SLC38A1: variants seen among roughly 807,000 people sequenced by gnomAD.
SLC38A1 encodes the protein solute carrier family 38 member 1, also known as sodium-coupled neutral amino acid symporter 1.
Under a neutral mutation model 60.3 loss-of-function variants are expected in SLC38A1, and 18 were observed. That is an observed-to-expected ratio of 0.30 (90% CI 0.21 to 0.44). The LOEUF (loss-of-function observed/expected upper bound fraction) is 0.44. Among genes scored for constraint, SLC38A1 ranks in the 20% least tolerant of loss-of-function variants. The pLI is 1.00. For synonymous variants in SLC38A1, 196 were observed against 212.1 expected, an observed-to-expected ratio of 0.92 and a Z score of 0.66; for missense variants, 448 against 587.2, an observed-to-expected ratio of 0.76 and a Z score of 2.45.
At chr12:46,208,970 C>G in intron 6 of SLC38A1, 84 bp downstream of exon 6, 7 of 944,342 alleles carry the variant, frequency 7.4e-6, no homozygotes, top group Non-Finnish European at 1.0e-5. Context: ...AATTGCTGTA[C>G]AGAGAGAACA....
At chr12:46,252,965 A>G (rs1941903398) in intron 1 of SLC38A1, among the ~76,000 whole-genome samples, 1 of 150,844 alleles carries the variant, frequency 6.6e-6, no homozygotes, top group Non-Finnish European at 1.5e-5. Context: ...AAAATACTGC[A>G]TGATCTCATG....
At chr12:46,189,659 C>T (rs1326501682) in intron 16 of SLC38A1, among the ~76,000 whole-genome samples, 1 of 152,190 alleles carries the variant, frequency 6.6e-6, no homozygotes, top group African/African-American at 2.4e-5. Flanking sequence ...TGAATTTTAG[C>T]TCCCATAATT....
chr12:46,216,234 C>T (rs561852494), intron 5 of SLC38A1, among the ~76,000 whole-genome samples: 1 of 152,244 alleles, frequency 6.6e-6, no homozygotes, highest in South Asian at 2.1e-4. Context: ...AGGGGAAATA[C>T]CTGTATAAAG....
At chr12:46,225,340 C>T (rs1209053190) in intron 5 of SLC38A1, among the ~76,000 whole-genome samples, 1 of 152,122 alleles carries the variant, frequency 6.6e-6, no homozygotes, top group Non-Finnish European at 1.5e-5. Context: ...ACTGGTTGGT[C>T]CTCCCCTATC....
At chr12:46,214,470 A>G (rs1940316194) in intron 5 of SLC38A1, among the ~76,000 whole-genome samples, 2 of 152,220 alleles carry the variant, frequency 1.3e-5, no homozygotes. Flanking sequence ...AGATTATATG[A>G]ATAATGTTAT....
At chr12:46,229,379 A>T in intron 4 of SLC38A1, 111 bp from the exon 5 acceptor site, 1 of 847,118 alleles carries the variant, frequency 1.2e-6, no homozygotes, top group Middle Eastern at 2.3e-4. Context: ...AAATTCAAGA[A>T]AATCCATTCT....
intron 16 of SLC38A1, among the ~76,000 whole-genome samples, chr12:46,194,000 C>T (rs1298028356): frequency 6.6e-6 from 1 of 152,102 alleles, no homozygotes; most frequent in Non-Finnish European, 1.5e-5. Context: ...TTATTTTGCT[C>T]GTTAATTGAT....
At chr12:46,237,075 A>C (rs911808398) in intron 3 of SLC38A1, among the ~76,000 whole-genome samples, 1 of 152,232 alleles carries the variant, frequency 6.6e-6, no homozygotes, top group Non-Finnish European at 1.5e-5. Flanking sequence ...TAAAAGAATA[A>C]AAGGTTCTTA....
chr12:46,198,046 T>G lies in SLC38A1; in HGVS notation c.1137A>C (p.Leu379Phe). The change falls in exon 15 of 17, where the codon TTA becomes TTC. Residue 379 changes from leucine to phenylalanine, a missense_variant. Physicochemically the swap from Leu to Phe is conservative, Grantham distance 22. This residue lies in a region of SLC38A1 where 346 missense variants were observed against 497.5 expected (regional missense o/e 0.70). Transcript: ENST00000398637. ...ACTTTGTTTTCTTAGCCAGTTCAAA[T>G]AAAGATGAACGAACCTGCAAGAAAA... is the stretch of plus-strand genomic sequence containing the variant. Reference protein sequence around the residue: ...PVLFFTVRSSLFELAKKTKFN... With the variant: ...PVLFFTVRSSFFELAKKTKFN... 1 of 1,613,680 alleles carries G rather than the reference T, an allele frequency of 6.2e-7. No individual in the cohort carries two copies. Among genetic ancestry groups the G allele is most frequent in the Non-Finnish European group, 8.5e-7 (1 of 1,179,892 alleles).
intron 1 of SLC38A1, among the ~76,000 whole-genome samples, chr12:46,259,921 C>T (rs375503621): frequency 9.2e-5 from 14 of 152,154 alleles, no homozygotes; most frequent in African/African-American, 2.9e-4. Context: ...CCTGCCACCA[C>T]TCCCCTGAAA....
At chr12:46,212,816 A>T (rs1940234618) in intron 5 of SLC38A1, among the ~76,000 whole-genome samples, 1 of 152,240 alleles carries the variant, frequency 6.6e-6, no homozygotes, top group Non-Finnish European at 1.5e-5. Flanking sequence ...TTAAAAGGGG[A>T]CATATTATGC....
Position 46,184,346 on chromosome 12 carries a change from T to C in SLC38A1, c.*4624A>G, listed in dbSNP as rs1441731663. The C allele has an allele frequency of 1.3e-5, 2 of 152,186 alleles. No homozygotes were observed. Among genetic ancestry groups the C allele is most frequent in the African/African-American group, 2.4e-5 (1 of 41,448 alleles). 9.4% of individuals were successfully genotyped at this position (152,186 alleles called of 1,614,324 possible). A position where few individuals can be genotyped will look rare whatever the true frequency, so the allele number is the denominator to read the frequency against. On this transcript the variant is annotated 3_prime_UTR_variant, in exon 17 of 17. Coordinates refer to ENST00000398637, the MANE Select transcript of SLC38A1 (RefSeq NM_030674.4). ...GCCATCCCCAAGGAAAATCATGTAT[T>C]AGTATTGCTAAATGATGGTCTGTAT...
At chr12:46,249,104 C>T (rs1432075799) in intron 1 of SLC38A1, among the ~76,000 whole-genome samples, 1 of 137,968 alleles carries the variant, frequency 7.2e-6, no homozygotes, top group South Asian at 2.4e-4. Context: ...TGCAGTGAGC[C>T]AAGATCGTGC....
chr12:46,258,947 C>T (rs1942115966), intron 1 of SLC38A1, among the ~76,000 whole-genome samples: 1 of 152,158 alleles, frequency 6.6e-6, no homozygotes, highest in Non-Finnish European at 1.5e-5. Flanking sequence ...AGCCACTGTG[C>T]CCAGCCAGGG....
chr12:46,218,532 C>T (rs1940515609), intron 5 of SLC38A1, among the ~76,000 whole-genome samples: 1 of 152,046 alleles, frequency 6.6e-6, no homozygotes, highest in Non-Finnish European at 1.5e-5. Context: ...ACTTGTTGCT[C>T]TCCTCCCCAC....
chr12:46,243,015 T>C (rs1209562170), intron 2 of SLC38A1, among the ~76,000 whole-genome samples, 185 bp downstream of exon 2: 1 of 151,978 alleles, frequency 6.6e-6, no homozygotes, highest in East Asian at 1.9e-4. Context: ...TTTCATTGAG[T>C]ATCATATTGT....
At chr12:46,249,168 A>AAAGAAAAAG (rs1555191160) in intron 1 of SLC38A1, among the ~76,000 whole-genome samples, 12 of 126,480 alleles carry the variant, frequency 9.5e-5, no homozygotes, top group East Asian at 2.2e-4. Flanking sequence ...AAAAAAAAAA[A>AAAGAAAAAG]AAAAAAAGAA....
intron 5 of SLC38A1, among the ~76,000 whole-genome samples, chr12:46,218,547 GTCAGTCA>G (rs1432892291): frequency 6.6e-6 from 1 of 152,122 alleles, no homozygotes; most frequent in Non-Finnish European, 1.5e-5. Context: ...CCCCACAGAT[GTCAGTCA>G]TCTTGGGCAA....
chr12:46,265,845 G>A (rs959289344), intron 1 of SLC38A1, among the ~76,000 whole-genome samples: 1 of 151,976 alleles, frequency 6.6e-6, no homozygotes, highest in African/African-American at 2.4e-5. Context: ...TTTCTCCACC[G>A]CCCACTCCCA....
Sources: gnomAD v4.1 joint callset for allele counts (sites outside exome capture counted in the v4.1 genomes callset) on GRCh38, gnomAD v4.1.1 for gene constraint, gnomAD v4.1.1 regional missense constraint, MANE v1.5 for transcripts, NCBI Gene and HGNC (gene_info 2026-07-23, HGNC 2026-07-21) for gene names.